The following NEGR1 variants were observed in gnomAD, a reference collection of about 807,000 sequenced individuals.
The protein encoded by NEGR1 is neuronal growth regulator 1.
Under a neutral mutation model 40.9 loss-of-function variants are expected in NEGR1, and 10 were observed. The ratio of observed to expected loss-of-function variants is 0.24; its 90% confidence interval spans 0.15 to 0.42. NEGR1 has a LOEUF of 0.42. Among genes scored for constraint, NEGR1 ranks in the 10% least tolerant of loss-of-function variants. The pLI is 1.00. For synonymous variants in NEGR1, 185 were observed against 166.8 expected, an observed-to-expected ratio of 1.11 and a Z score of -0.84; for missense variants, 352 against 438.9, an observed-to-expected ratio of 0.80 and a Z score of 1.77.
chr1:71,720,210 G>A (rs1206134729), intron 3 of NEGR1, among the ~76,000 whole-genome samples: 1 of 152,132 alleles, frequency 6.6e-6, no homozygotes, highest in Admixed American at 6.5e-5. Flanking sequence ...TTGTAATAGT[G>A]TATAGAGGAA....
chr1:71,903,785 A>C (rs1390303642), intron 2 of NEGR1, among the ~76,000 whole-genome samples: 1 of 151,694 alleles, frequency 6.6e-6, no homozygotes, highest in Non-Finnish European at 1.5e-5. Context: ...AGCTATATCT[A>C]TATCATCTTC....
intron 3 of NEGR1, among the ~76,000 whole-genome samples, chr1:71,730,139 TACAA>T (rs148137697): frequency 0.072 from 10,946 of 152,024 alleles, 479 homozygotes; most frequent in East Asian, 0.14. Flanking sequence ...TACAAGAAGA[TACAA>T]ACAACCTTGA....
At chr1:71,424,236 T>G (rs569146189) in intron 6 of NEGR1, among the ~76,000 whole-genome samples, 1 of 152,288 alleles carries the variant, frequency 6.6e-6, no homozygotes, top group African/African-American at 2.4e-5. Flanking sequence ...TTGGGTAAAA[T>G]AAAATTATCT....
intron 1 of NEGR1, among the ~76,000 whole-genome samples, chr1:72,011,906 A>G (rs1199720550): frequency 6.6e-6 from 1 of 152,108 alleles, no homozygotes; most frequent in Non-Finnish European, 1.5e-5. Context: ...TAAGTGATGA[A>G]GTACATGGAA....
At chr1:72,172,543 T>C (rs1048716456) in intron 1 of NEGR1, among the ~76,000 whole-genome samples, 4 of 152,152 alleles carry the variant, frequency 2.6e-5, no homozygotes, top group Non-Finnish European at 5.9e-5. Flanking sequence ...AAAAATCCAT[T>C]TTTCATCATA....
intron 6 of NEGR1, among the ~76,000 whole-genome samples, chr1:71,544,498 CAG>C (rs1647825341): frequency 6.6e-6 from 1 of 151,594 alleles, no homozygotes; most frequent in Non-Finnish European, 1.5e-5. Context: ...ACCTAAAAAA[CAG>C]GGAAAATAAT....
chr1:71,697,300 C>T (rs1653508711), intron 4 of NEGR1, among the ~76,000 whole-genome samples: 1 of 151,594 alleles, frequency 6.6e-6, no homozygotes, highest in Non-Finnish European at 1.5e-5. Flanking sequence ...ACAGTATGAA[C>T]ATTTTTTAGA....
chr1:72,041,847 T>G (rs1646957733), intron 1 of NEGR1, among the ~76,000 whole-genome samples: 1 of 141,034 alleles, frequency 7.1e-6, no homozygotes, highest in Non-Finnish European at 1.5e-5. Flanking sequence ...TTTATATATA[T>G]TATATATTTT....
chr1:71,896,547 G>T (rs965553956), intron 2 of NEGR1, among the ~76,000 whole-genome samples: 1 of 151,860 alleles, frequency 6.6e-6, no homozygotes, highest in African/African-American at 2.4e-5. Context: ...ATTAAATTTT[G>T]GTTAAGTTTA....
intron 4 of NEGR1, among the ~76,000 whole-genome samples, chr1:71,636,707 A>T (rs12058754): frequency 0.037 from 5,582 of 152,146 alleles, 133 homozygotes; most frequent in African/African-American, 0.072. Flanking sequence ...AGTGGCTGTC[A>T]TATTGTTTGC....
intron 2 of NEGR1, among the ~76,000 whole-genome samples, chr1:71,904,208 G>A (rs924716791): frequency 2.6e-5 from 4 of 151,868 alleles, no homozygotes; most frequent in Non-Finnish European, 5.9e-5. Context: ...AGGACTTGCG[G>A]ATATTTAGTA....
At chr1:71,830,749 A>G (rs557324951) in intron 2 of NEGR1, among the ~76,000 whole-genome samples, 4 of 152,096 alleles carry the variant, frequency 2.6e-5, no homozygotes, top group African/African-American at 9.6e-5. Flanking sequence ...TCTCTCAGCC[A>G]CTTTGTAAAC....
Position 71,873,677 on chromosome 1 carries a change from A to G in NEGR1, c.409+61402T>C, listed in dbSNP as rs577776939. Among the ~76,000 whole-genome samples the G allele has an allele frequency of 2.6e-5, 4 of 152,282 alleles. No homozygotes were observed. The East Asian group carries it at 7.7e-4, about 29-fold the overall frequency. ...CTAGTTTTCCTCTCGATTTACTCAC[A>G]TCTCTCCTTCTTTCCAAATAAATGG... On this transcript the variant is annotated intron_variant, in intron 2 of 6. Transcript: ENST00000357731.
chr1:71,701,063 A>G (rs557100335), intron 3 of NEGR1, among the ~76,000 whole-genome samples: 1 of 152,162 alleles, frequency 6.6e-6, no homozygotes, highest in South Asian at 2.1e-4. Flanking sequence ...AAAGGGACAC[A>G]GCCTATCAAC....
intron 2 of NEGR1, among the ~76,000 whole-genome samples, chr1:71,924,051 G>C (rs971247624): frequency 1.3e-5 from 2 of 151,948 alleles, no homozygotes; most frequent in Non-Finnish European, 2.9e-5. Flanking sequence ...TGGGACCACA[G>C]CAGCTATTTA....
chr1:72,083,517 C>T (rs1434466897), intron 1 of NEGR1, among the ~76,000 whole-genome samples: 1 of 152,074 alleles, frequency 6.6e-6, no homozygotes, highest in Non-Finnish European at 1.5e-5. Flanking sequence ...TACCACTATG[C>T]CCAGCTCTCT....
At chr1:71,871,603 G>A (rs1355167852) in intron 2 of NEGR1, among the ~76,000 whole-genome samples, 1 of 152,250 alleles carries the variant, frequency 6.6e-6, no homozygotes, top group African/African-American at 2.4e-5. Context: ...TCATTAAACA[G>A]CATGCTTTAT....
intron 1 of NEGR1, among the ~76,000 whole-genome samples, chr1:72,246,846 A>C (rs1194284): frequency 0.44 from 67,414 of 152,100 alleles, 15,336 homozygotes; most frequent in Non-Finnish European, 0.48. Context: ...TTCTGGACAA[A>C]CAGGCTTTCT....
intron 4 of NEGR1, among the ~76,000 whole-genome samples, chr1:71,639,796 T>C (rs1651286563): frequency 6.6e-6 from 1 of 151,948 alleles, no homozygotes; most frequent in Non-Finnish European, 1.5e-5. Context: ...GTACATTTCA[T>C]CCAGAGTGTC....
Sources: gnomAD v4.1 joint callset for allele counts (sites outside exome capture counted in the v4.1 genomes callset) on GRCh38, gnomAD v4.1.1 for gene constraint, MANE v1.5 for transcripts, NCBI Gene and HGNC (gene_info 2026-07-23, HGNC 2026-07-21) for gene names.